The following FARS2 variants were observed in gnomAD, a reference collection of about 807,000 sequenced individuals.
FARS2 encodes phenylalanine--tRNA ligase, mitochondrial.
A neutral mutation model predicts 46.4 loss-of-function variants in FARS2; 40 were observed. That is an observed-to-expected ratio of 0.86 (90% confidence interval 0.67 to 1.12). The LOEUF (loss-of-function observed/expected upper bound fraction) is 1.12, where lower values mean the gene tolerates loss of function less well. FARS2 is among the 50% of genes most tolerant of loss of function. The probability of loss-of-function intolerance (pLI) is 0.00; values close to 1 mark genes in which losing one functional copy is unlikely to be tolerated. For synonymous variants in FARS2, 234 were observed against 214.9 expected (o/e 1.09, Z -0.78); for missense variants, 513 against 567.9 (o/e 0.90, Z 0.98).
At chr6:5,438,485 C>G (rs1763663710) in intron 4 of FARS2, among the ~76,000 whole-genome samples, 1 of 151,560 alleles carries the variant, frequency 6.6e-6, no homozygotes, top group South Asian at 2.1e-4. Flanking sequence ...CCTTGATCAC[C>G]AAATATATTT....
chr6:5,495,093 C>T (rs1767373388), intron 4 of FARS2, among the ~76,000 whole-genome samples: 1 of 152,210 alleles, frequency 6.6e-6, no homozygotes, highest in African/African-American at 2.4e-5. Flanking sequence ...TTCCCTCCTT[C>T]CCTCTCATTG....
Position 5,460,291 on chromosome 6 carries a change from G to A in FARS2, c.904+29119G>A, listed in dbSNP as rs150027842. On this transcript the variant is annotated intron_variant, in intron 4 of 6. Transcript: ENST00000274680. ...ATCTTTTGGAGATGTCTGTCCCAGAGCCTCTGACCTGCCCCTGCCTAGGCA... is the reference window on the plus strand; with the variant it reads ...ATCTTTTGGAGATGTCTGTCCCAGAACCTCTGACCTGCCCCTGCCTAGGCA... Among the ~76,000 whole-genome samples the A allele has an allele frequency of 6.8e-3, 1,030 of 152,288 alleles. 19 individuals carry two copies. Among genetic ancestry groups the A allele is most frequent in the African/African-American group, 0.024 (995 of 41,570 alleles).
chr6:5,762,903 C>A (rs1762554824), intron 6 of FARS2, among the ~76,000 whole-genome samples: 1 of 152,328 alleles, frequency 6.6e-6, no homozygotes, highest in Non-Finnish European at 1.5e-5. Flanking sequence ...GGGGAGGCAC[C>A]GCTCAGAATG....
At chr6:5,384,003 C>T (rs1380709913) in intron 2 of FARS2, among the ~76,000 whole-genome samples, 1 of 152,112 alleles carries the variant, frequency 6.6e-6, no homozygotes, top group Non-Finnish European at 1.5e-5. Context: ...GTTGAGAGAT[C>T]ATAATTTTAA....
At position 5,597,921 on chromosome 6, in the gene FARS2, T is replaced by A. The variant is rs149048184; in HGVS notation, c.1066-15248T>A. On this transcript the variant is annotated intron_variant, in intron 5 of 6. Transcript: ENST00000274680. The stretch of plus-strand genomic sequence containing the variant: ...TCTAGTACTTGATATTTAGAAAATA[T>A]ATGCTCTGTTGAAATTATGCAGCAT... Among the ~76,000 whole-genome samples, 6 of 152,258 alleles carry A rather than the reference T, an allele frequency of 3.9e-5. No individual in the cohort carries two copies. In the East Asian group the frequency reaches 1.2e-3, roughly 29 times the overall value.
At chr6:5,278,850 G>A (rs1350462666) in intron 1 of FARS2, among the ~76,000 whole-genome samples, 2 of 152,216 alleles carry the variant, frequency 1.3e-5, no homozygotes, top group African/African-American at 4.8e-5. Flanking sequence ...GAAAGGAAAT[G>A]CCTAGATGGT....
chr6:5,584,401 T>C (rs1054512303), intron 5 of FARS2, among the ~76,000 whole-genome samples: 2 of 152,094 alleles, frequency 1.3e-5, no homozygotes, highest in Non-Finnish European at 2.9e-5. Context: ...CAAGCAGACC[T>C]TTTAGCTTGA....
chr6:5,615,907 C>G (rs545096880), intron 6 of FARS2, among the ~76,000 whole-genome samples: 1 of 149,582 alleles, frequency 6.7e-6, no homozygotes, highest in African/African-American at 2.5e-5. Context: ...TTCCTCCCAC[C>G]CCAAATCTAC....
At chr6:5,708,787 AG>A (rs1453586230) in intron 6 of FARS2, among the ~76,000 whole-genome samples, 2 of 152,136 alleles carry the variant, frequency 1.3e-5, no homozygotes, top group Middle Eastern at 3.2e-3. Flanking sequence ...CAGCCTCCTG[AG>A]TAGCTGGGAC....
At chr6:5,732,412 G>A (rs1214323540) in intron 6 of FARS2, among the ~76,000 whole-genome samples, 4 of 152,196 alleles carry the variant, frequency 2.6e-5, no homozygotes, top group Admixed American at 1.3e-4. Flanking sequence ...CTGGCACGTA[G>A]CAAGCATGCA....
chr6:5,556,244 A>G (rs866936149), intron 5 of FARS2, among the ~76,000 whole-genome samples: 19 of 152,226 alleles, frequency 1.2e-4, no homozygotes, highest in Middle Eastern at 3.4e-3. Flanking sequence ...CCTACCTTTC[A>G]TAGGATAACT....
At chr6:5,454,451 C>T (rs1192273639) in intron 4 of FARS2, among the ~76,000 whole-genome samples, 4 of 152,066 alleles carry the variant, frequency 2.6e-5, no homozygotes, top group African/African-American at 7.2e-5. Context: ...AAGCGATTCT[C>T]CTGCCTCAGC....
chr6:5,348,327 C>T lies in FARS2; in HGVS notation c.-21-20223C>T, dbSNP rs186773664. Among the ~76,000 whole-genome samples, 143 of 151,628 alleles carry T rather than the reference C, an allele frequency of 9.4e-4. 1 individual carries two copies. The highest frequency in any genetic ancestry group is 3.3e-3 in the African/African-American group (138 of 41,288). ...CTTTACATTTAGGTCTTTGCTGTAT[C>T]TTGAATGGATGTATGTGTGTGCTGT... On this transcript the variant is annotated intron_variant, in intron 1 of 6. Transcript: ENST00000274680.
chr6:5,426,544 G>T (rs1489036136), intron 3 of FARS2, among the ~76,000 whole-genome samples: 2 of 151,992 alleles, frequency 1.3e-5, no homozygotes, highest in Non-Finnish European at 2.9e-5. Context: ...TGTATTTTGG[G>T]GGTAATATCA....
At chr6:5,397,772 C>G (rs1434763043) in intron 2 of FARS2, among the ~76,000 whole-genome samples, 1 of 151,460 alleles carries the variant, frequency 6.6e-6, no homozygotes, top group Non-Finnish European at 1.5e-5. Context: ...TGTCCATCTC[C>G]TTTATTAAAT....
chr6:5,525,547 T>C (rs757098826), intron 4 of FARS2, among the ~76,000 whole-genome samples: 35 of 152,318 alleles, frequency 2.3e-4, no homozygotes, highest in Admixed American at 2.0e-3. Context: ...ATAAGGGATG[T>C]GCCCTCCAGT....
At chr6:5,616,010 T>TA (rs11327256) in intron 6 of FARS2, among the ~76,000 whole-genome samples, 6,732 of 95,616 alleles carry the variant, frequency 0.07, 242 homozygotes, top group Middle Eastern at 0.1. Flanking sequence ...CCATAGCTCT[T>TA]AAAAAAAAAA....
intron 6 of FARS2, among the ~76,000 whole-genome samples, chr6:5,614,145 C>T (rs114314656): frequency 0.015 from 2,268 of 152,136 alleles, 56 homozygotes; most frequent in African/African-American, 0.052. Flanking sequence ...GGAATTTTAC[C>T]CTAATTGTAG....
At chr6:5,383,259 A>C (rs1759903883) in intron 2 of FARS2, among the ~76,000 whole-genome samples, 1 of 152,218 alleles carries the variant, frequency 6.6e-6, no homozygotes, top group African/African-American at 2.4e-5. Context: ...ATGACCAATA[A>C]ATAGCCTCTA....
Sources: gnomAD v4.1 joint callset for allele counts (sites outside exome capture counted in the v4.1 genomes callset) on GRCh38, gnomAD v4.1.1 for gene constraint, MANE v1.5 for transcripts, NCBI Gene and HGNC (gene_info 2026-07-23, HGNC 2026-07-21) for gene names.